Variants in GZMB observed in about 807,000 individuals in gnomAD.
GZMB encodes T-cell serine protease 1-3E.
In GZMB, 27 loss-of-function variants were observed where a neutral mutation model predicts 24.2. The ratio of observed to expected loss-of-function variants is 1.12; its 90% CI spans 0.82 to 1.54. The LOEUF (loss-of-function observed/expected upper bound fraction) is 1.54. Among genes scored for constraint, GZMB ranks in the 40% most tolerant of loss-of-function variants. The probability of loss-of-function intolerance (pLI) is 0.00; values close to 1 mark genes in which losing one functional copy is unlikely to be tolerated. For missense variants in GZMB, 336 were observed against 310.1 expected, an observed-to-expected ratio of 1.08 and a Z score of -0.63; for synonymous variants, 121 against 115.1, an observed-to-expected ratio of 1.05 and a Z score of -0.33.
chr14:24,631,603 A>G (rs1194678518), intron 4 of GZMB: 10 of 575,588 alleles, frequency 1.7e-5, no homozygotes, highest in Non-Finnish European at 2.8e-5. Flanking sequence ...CAGTTTCCTA[A>G]TATCTGTGAC....
chr14:24,633,047 C>G lies in GZMB; in HGVS notation c.71G>C (p.Gly24Ala), dbSNP rs767736704. Residue 24 changes from glycine to alanine, a missense_variant, in exon 2 of 5, where the codon GGA becomes GCA. By Grantham distance (60) the Gly-to-Ala change is moderately conservative. Coordinates refer to ENST00000216341, the MANE Select transcript of GZMB (RefSeq NM_004131.6). ...GCGGGAGTGGGGCTTGGCCTCATGT[C>G]CCCCGATGATCTCCCCTGAAGGAAA... is the stretch of plus-strand genomic sequence containing the variant. Reference protein sequence around the residue: ...PRADAGEIIGGHEAKPHSRPY... With the variant: ...PRADAGEIIGAHEAKPHSRPY... The G allele has an allele frequency of 1.9e-6, 3 of 1,609,364 alleles. No homozygotes were observed. Among genetic ancestry groups the G allele is most frequent in the Non-Finnish European group, 2.5e-6 (3 of 1,177,458 alleles).
intron 1 of GZMB, 104 bp from the exon 2 acceptor site, chr14:24,633,166 C>T: frequency 6.7e-7 from 1 of 1,489,182 alleles, no homozygotes; most frequent in East Asian, 2.3e-5. Context: ...CTGGGATAGC[C>T]TGGAGTTGGG....
At chr14:24,632,893 T>C in intron 2 of GZMB, 22 bp downstream of exon 2, 2 of 1,604,192 alleles carry the variant, frequency 1.2e-6, no homozygotes, top group Non-Finnish European at 1.7e-6. Flanking sequence ...CAGGAGGGTG[T>C]GGGCTGTTTT....
At chr14:24,632,688 C>T (rs1027312270) in intron 2 of GZMB, 2 of 823,444 alleles carry the variant, frequency 2.4e-6, no homozygotes, top group Non-Finnish European at 4.1e-6. Context: ...CAAAGTATGC[C>T]CCCAGTTCTA....
intron 1 of GZMB, chr14:24,633,333 CTT>C (rs2067015383): frequency 1.0e-6 from 1 of 984,778 alleles, no homozygotes; most frequent in Non-Finnish European, 1.2e-6. Context: ...CCTCTCCTGA[CTT>C]TGCTTTGTTT....
chr14:24,634,002 G>C, intron 1 of GZMB, 104 bp downstream of exon 1: 1 of 1,016,074 alleles, frequency 9.8e-7, no homozygotes, highest in South Asian at 1.4e-5. Context: ...ATGGGAGCTG[G>C]AGTTCAGAAC....
chr14:24,632,609 C>T, intron 2 of GZMB, 150 bp from the exon 3 acceptor site: 2 of 1,282,466 alleles, frequency 1.6e-6, no homozygotes, highest in South Asian at 1.2e-5. Context: ...CTGGTAATTG[C>T]ACCAGGTTTC....
intron 1 of GZMB, chr14:24,633,338 C>T (rs72681027): frequency 0.053 from 52,133 of 983,768 alleles, 1,554 homozygotes; most frequent in Non-Finnish European, 0.058. Context: ...CCTGACTTTG[C>T]TTTGTTTCAG....
At chr14:24,632,719 T>A (rs1566570224) in intron 2 of GZMB, 196 bp downstream of exon 2, 1 of 801,606 alleles carries the variant, frequency 1.2e-6, no homozygotes. Context: ...GCTTGGTCAC[T>A]CTGCTGTTTC....
chr14:24,633,219 G>A, intron 1 of GZMB, 157 bp from the exon 2 acceptor site: 1 of 1,432,232 alleles, frequency 7.0e-7, no homozygotes, highest in Admixed American at 2.5e-5. Flanking sequence ...CTCTGAAAAA[G>A]GGAAGAACAG....
intron 1 of GZMB, chr14:24,633,854 G>A: frequency 5.3e-6 from 3 of 563,210 alleles, no homozygotes; most frequent in Non-Finnish European, 9.6e-6. Flanking sequence ...TTACTTCTAG[G>A]AAAGTCCTAC....
At position 24,632,386 on chromosome 14, in the gene GZMB, T is replaced by C; in HGVS notation, c.277A>G (p.Arg93Gly). 6.2e-7 allele frequency: 1 copy of C among 1,612,970 alleles called. No homozygotes were observed. The highest frequency in any genetic ancestry group is 8.5e-7 in the Non-Finnish European group (1 of 1,179,584). ...TTATAGGCTGGATGGGGGATGGGTC[T>C]TTTCACAGGGATAAACTGCTGGGTC... ...EPTQQFIPVK[R>G]PIPHPAYNPK... The change falls in exon 3 of 5, where the codon AGA (arginine) becomes GGA (glycine). Residue 93 changes from arginine to glycine, a missense_variant. Physicochemically the swap from Arg to Gly is moderately radical, Grantham distance 125. Transcript: ENST00000216341.
intron 2 of GZMB, 118 bp downstream of exon 2, chr14:24,632,797 C>A: frequency 1.8e-6 from 2 of 1,083,596 alleles, no homozygotes; most frequent in Non-Finnish European, 2.8e-6. Flanking sequence ...CTTTTCTCAC[C>A]CTCTAAGGAG....
intron 3 of GZMB, 53 bp from the exon 4 acceptor site, chr14:24,632,171 C>A (rs753456826): frequency 1.6e-5 from 26 of 1,600,424 alleles, no homozygotes; most frequent in Admixed American, 5.1e-5. Flanking sequence ...TTCTGGGCCC[C>A]GACACAGTGA....
At chr14:24,631,255 G>A (rs377183919) in intron 4 of GZMB, 41 bp from the exon 5 acceptor site, 35 of 1,584,300 alleles carry the variant, frequency 2.2e-5, no homozygotes, top group African/African-American at 6.7e-5. Context: ...ATGCTCCTCC[G>A]GGTCCTGCCC....
Position 24,631,069 on chromosome 14 carries a change from A to T in GZMB, c.*2T>A, listed in dbSNP as rs770176278. 5.0e-6 allele frequency: 8 copies of T among 1,611,806 alleles called. 1 individual carries two copies. The South Asian group carries it at 8.8e-5, about 18-fold the overall frequency. ...AGCGGGGGCTTAGTTTGCTTCCTGTAGTTAGTAGCGTTTCATGGTTTTCTT... is the reference window on the plus strand; with the variant it reads ...AGCGGGGGCTTAGTTTGCTTCCTGTTGTTAGTAGCGTTTCATGGTTTTCTT... On this transcript the variant is annotated 3_prime_UTR_variant, in exon 5 of 5. Transcript: ENST00000216341.
In GZMB at chr14:24,632,967, C is replaced by T. The variant is rs767677921; in HGVS notation, c.151G>A (p.Gly51Ser). The stretch of plus-strand genomic sequence containing the variant: ...ACGAAGTCGTCTCGTATCAGGAAGC[C>T]ACCGCACCTCTTCAGAGACTTCTGA... ...WDQKSLKRCG[G>S]FLIRDDFVLT... The change falls in exon 2 of 5, where the codon GGC (glycine) becomes AGC (serine). Residue 51 changes from glycine to serine, a missense_variant. Gly to Ser is a moderately conservative substitution (Grantham distance 56). Transcript: ENST00000216341. 2.4e-5 allele frequency: 39 copies of T among 1,613,852 alleles called. No individual in the cohort carries two copies. The highest frequency in any genetic ancestry group is 1.3e-4 in the East Asian group (6 of 44,856).
chr14:24,633,869 C>T (rs1410717556), intron 1 of GZMB: 5 of 601,594 alleles, frequency 8.3e-6, no homozygotes, highest in South Asian at 1.8e-5. Flanking sequence ...TCCTACTCTC[C>T]AGGTGACAAA....
intron 4 of GZMB, 158 bp downstream of exon 4, chr14:24,631,700 T>A (rs2066995857): frequency 1.5e-6 from 1 of 681,938 alleles, no homozygotes; most frequent in Non-Finnish European, 2.5e-6. Flanking sequence ...GAGGCCCTAA[T>A]TTCTCCCCAG....
Sources: gnomAD v4.1 joint callset for allele counts on GRCh38, gnomAD v4.1.1 for gene constraint, MANE v1.5 for transcripts, NCBI Gene and HGNC (gene_info 2026-07-23, HGNC 2026-07-21) for gene names.